The following SPAST variants were observed in gnomAD, a reference collection of about 807,000 sequenced individuals.
SPAST encodes the protein spastic paraplegia 4 (autosomal dominant; spastin).
Under a neutral mutation model 76.6 loss-of-function variants are expected in SPAST, and 30 were observed. The ratio of observed to expected loss-of-function variants is 0.39; its 90% CI spans 0.29 to 0.53. The LOEUF (loss-of-function observed/expected upper bound fraction) is 0.53, where lower values mean the gene tolerates loss of function less well. Among genes scored for constraint, SPAST ranks in the 20% least tolerant of loss-of-function variants. The pLI is 0.68. For synonymous variants in SPAST, 305 were observed against 281.0 expected (o/e 1.09, Z -0.86); for missense variants, 717 against 770.5 (o/e 0.93, Z 0.82).
intron 3 of SPAST, among the ~76,000 whole-genome samples, chr2:32,091,282 T>TATTATG (rs1271973813): frequency 7.0e-6 from 1 of 141,862 alleles, no homozygotes; most frequent in Non-Finnish European, 1.5e-5. Context: ...TTATTATTAT[T>TATTATG]ATTATTATTA....
intron 3 of SPAST, among the ~76,000 whole-genome samples, chr2:32,094,918 G>T (rs558713644): frequency 6.6e-6 from 1 of 152,216 alleles, no homozygotes; most frequent in African/African-American, 2.4e-5. Context: ...GCAGTGAGCC[G>T]AGGTTGCGCC....
At chr2:32,116,262 C>G in intron 7 of SPAST, 50 bp downstream of exon 7, 1 of 1,118,386 alleles carries the variant, frequency 8.9e-7, no homozygotes, top group African/African-American at 1.5e-5. Context: ...GTTACTGAAT[C>G]CATAGTAGTA....
chr2:32,067,161 A>G (rs949803896), intron 1 of SPAST, among the ~76,000 whole-genome samples: 6 of 152,090 alleles, frequency 3.9e-5, no homozygotes, highest in Non-Finnish European at 8.8e-5. Context: ...TCCCGGATTC[A>G]AGCGATTCTC....
chr2:32,081,225 G>A lies in SPAST; in HGVS notation c.416-6267G>A, dbSNP rs1233087283. ...ACCCGCCTCAGCCTCCCAAAGTGCT[G>A]GGATTACAGGCGTGAGCCACCTCAC... On this transcript the variant is annotated intron_variant, in intron 1 of 16. Transcript: ENST00000315285. 3.3e-5 allele frequency among the ~76,000 whole-genome samples: 5 copies of A among 152,064 alleles called. No homozygotes were observed. The East Asian group carries it at 9.7e-4, about 29-fold the overall frequency.
intron 16 of SPAST, among the ~76,000 whole-genome samples, chr2:32,150,366 C>T (rs892145511): frequency 2.0e-5 from 3 of 149,784 alleles, no homozygotes; most frequent in Non-Finnish European, 4.4e-5. Context: ...CTAGGGATTA[C>T]AGGCATGAGC....
At chr2:32,064,928 T>C (rs1676448418) in intron 1 of SPAST, among the ~76,000 whole-genome samples, 1 of 152,226 alleles carries the variant, frequency 6.6e-6, no homozygotes, top group African/African-American at 2.4e-5. Context: ...TTGCGTAAAC[T>C]TAAACATACC....
intron 6 of SPAST, 23 bp downstream of exon 6, chr2:32,115,858 T>A (rs1052573265): frequency 1.8e-5 from 28 of 1,574,344 alleles, no homozygotes; most frequent in Non-Finnish European, 8.7e-7. Flanking sequence ...ATCTAAATGT[T>A]TTATTTTATA....
chr2:32,076,576 G>T (rs1676970131), intron 1 of SPAST, among the ~76,000 whole-genome samples: 1 of 152,092 alleles, frequency 6.6e-6, no homozygotes, highest in African/African-American at 2.4e-5. Context: ...AACTATGAGA[G>T]AATTAATCAG....
intron 16 of SPAST, among the ~76,000 whole-genome samples, chr2:32,151,026 C>T (rs1461117241): frequency 6.7e-6 from 1 of 149,998 alleles, no homozygotes; most frequent in Non-Finnish European, 1.5e-5. Flanking sequence ...CTCACTGCAA[C>T]CTCCGCCTCC....
At chr2:32,107,629 G>A (rs1349258460) in intron 4 of SPAST, among the ~76,000 whole-genome samples, 1 of 152,108 alleles carries the variant, frequency 6.6e-6, no homozygotes, top group Non-Finnish European at 1.5e-5. Flanking sequence ...GGATTTTTGG[G>A]TTAAGGATGC....
intron 1 of SPAST, among the ~76,000 whole-genome samples, chr2:32,084,826 G>T (rs1181657779): frequency 7.4e-6 from 1 of 135,516 alleles, no homozygotes; most frequent in Non-Finnish European, 1.5e-5. Context: ...AATGGAGGTT[G>T]TAGTGAGCCG....
chr2:32,087,732 G>A (rs923785691), intron 2 of SPAST, among the ~76,000 whole-genome samples, 154 bp downstream of exon 2: 1 of 91,470 alleles, frequency 1.1e-5, no homozygotes, highest in Non-Finnish European at 2.0e-5. Flanking sequence ...TCTTTCCTCT[G>A]TTACCCAGGC....
chr2:32,117,686 A>G (rs1375351042), intron 7 of SPAST, among the ~76,000 whole-genome samples: 1 of 151,680 alleles, frequency 6.6e-6, no homozygotes, highest in Non-Finnish European at 1.5e-5. Flanking sequence ...CATGCACCCC[A>G]ACACCTGGCT....
intron 1 of SPAST, among the ~76,000 whole-genome samples, chr2:32,077,416 A>G (rs535689871): frequency 6.6e-6 from 1 of 152,200 alleles, no homozygotes; most frequent in Non-Finnish European, 1.5e-5. Flanking sequence ...CAAATTTACT[A>G]AGTATAATAA....
Position 32,064,040 on chromosome 2 carries a change from A to T in SPAST, c.209A>T (p.His70Leu), listed in dbSNP as rs202003376. ...GCGCTGCTGCGTTTGGTCGCCTTCC[A>T]CCTGGGGCTCCTCTTCGTGTGGCTC... ...GFALLRLVAF[H>L]LGLLFVWLCQ... The change falls in exon 1 of 17, where the codon CAC (histidine) becomes CTC (leucine). Residue 70 changes from histidine to leucine, a missense_variant. Physicochemically the swap from His to Leu is moderately conservative, Grantham distance 99. Transcript: ENST00000315285. The T allele has an allele frequency of 1.5e-5, 25 of 1,612,992 alleles. No individual in the cohort carries two copies. Among genetic ancestry groups the T allele is most frequent in the African/African-American group, 4.0e-5 (3 of 74,862 alleles).
chr2:32,126,850 G>T (rs896493638), intron 7 of SPAST, 98 bp from the exon 8 acceptor site: 68 of 763,488 alleles, frequency 8.9e-5, no homozygotes, highest in Non-Finnish European at 1.5e-4. Flanking sequence ...AGCTCTGTTT[G>T]GGAAGATGCT....
chr2:32,098,873 A>G lies in SPAST; in HGVS notation c.664A>G (p.Asn222Asp), dbSNP rs1354823029. ...TGACAGTACTAACTTGGCATGCCGC[A>G]ATGGACATCTCCAGTCAGGTGGGTT... ...YNDSTNLACR[N>D]GHLQSESGAV... Residue 222 changes from asparagine to aspartate, a missense_variant, in exon 4 of 17, where the codon AAT (asparagine) becomes GAT (aspartate). Asn to Asp is a conservative substitution (Grantham distance 23). This residue lies in a region of SPAST where 543 missense variants were observed against 445.2 expected (regional missense o/e 1.22). Coordinates refer to ENST00000315285, the MANE Select transcript of SPAST (RefSeq NM_014946.4). 4 of 1,613,190 alleles carry G rather than the reference A, an allele frequency of 2.5e-6. No individual in the cohort carries two copies. The highest frequency in any genetic ancestry group is 3.3e-5 in the Admixed American group (2 of 60,020).
rs1002913744 is a variant in SPAST, at chr2:32,143,291, T to G, written c.1537-45T>G. 6.0e-6 allele frequency: 7 copies of G among 1,162,260 alleles called. No individual in the cohort carries two copies. The African/African-American group carries it at 1.1e-4, about 18-fold the overall frequency. The allele number at this position is 1,162,260 out of a possible 1,614,324, so 72.0% of individuals were successfully genotyped here. A position where few individuals can be genotyped will look rare whatever the true frequency, so the allele number is the denominator to read the frequency against. On this transcript the variant is annotated intron_variant, in intron 13 of 16. Coordinates refer to ENST00000315285, the MANE Select transcript of SPAST (RefSeq NM_014946.4). ...CAATATAAAAAAAGAAAAGAATCATTAATTCTGAAATTAGACTGAATGATC... is the reference window on the plus strand; with the variant it reads ...CAATATAAAAAAAGAAAAGAATCATGAATTCTGAAATTAGACTGAATGATC...
At chr2:32,067,490 C>G (rs1676569415) in intron 1 of SPAST, among the ~76,000 whole-genome samples, 2 of 152,052 alleles carry the variant, frequency 1.3e-5, no homozygotes, top group Non-Finnish European at 2.9e-5. Context: ...AATAGCAGTT[C>G]CATGTGAGGA....
Sources: gnomAD v4.1 joint callset for allele counts (sites outside exome capture counted in the v4.1 genomes callset) on GRCh38, gnomAD v4.1.1 for gene constraint, gnomAD v4.1.1 regional missense constraint, MANE v1.5 for transcripts, NCBI Gene and HGNC (gene_info 2026-07-23, HGNC 2026-07-21) for gene names.